RAB2A: variants seen among roughly 807,000 people sequenced by gnomAD.
The protein encoded by RAB2A is ras-related protein Rab-2A.
In RAB2A, 7 loss-of-function variants were observed where a neutral mutation model predicts 32.5. The ratio of observed to expected loss-of-function variants is 0.22; its 90% CI spans 0.12 to 0.40. The LOEUF (loss-of-function observed/expected upper bound fraction) is 0.40. Ranked by LOEUF, RAB2A falls within the 10% of genes least tolerant of loss-of-function variation. The pLI is 1.00. For missense variants in RAB2A, 108 were observed against 260.7 expected, an observed-to-expected ratio of 0.41 and a Z score of 4.03; for synonymous variants, 79 against 85.2, an observed-to-expected ratio of 0.93 and a Z score of 0.40.
intron 1 of RAB2A, among the ~76,000 whole-genome samples, chr8:60,546,380 G>A (rs1357129360): frequency 6.6e-6 from 1 of 152,204 alleles, no homozygotes; most frequent in East Asian, 1.9e-4. Context: ...TCGAGGATGG[G>A]AGACTTGAAT....
At chr8:60,587,356 T>G (rs750353209) in intron 5 of RAB2A, among the ~76,000 whole-genome samples, 1 of 152,152 alleles carries the variant, frequency 6.6e-6, no homozygotes, top group East Asian at 1.9e-4. Context: ...TTTACAAAAA[T>G]TAACTGGAAG....
intron 5 of RAB2A, among the ~76,000 whole-genome samples, chr8:60,587,885 T>C (rs1358608677): frequency 6.6e-6 from 1 of 152,232 alleles, no homozygotes; most frequent in Non-Finnish European, 1.5e-5. Context: ...TGAAGAATGC[T>C]TATAATTCAT....
chr8:60,547,092 A>G (rs951823393), intron 1 of RAB2A, among the ~76,000 whole-genome samples: 4 of 150,748 alleles, frequency 2.7e-5, no homozygotes, highest in Non-Finnish European at 5.9e-5. Flanking sequence ...GGGAGTGGTG[A>G]TGACTCTTAA....
At chr8:60,548,843 CGAG>C (rs1807793358) in intron 1 of RAB2A, among the ~76,000 whole-genome samples, 1 of 150,566 alleles carries the variant, frequency 6.6e-6, no homozygotes, top group Non-Finnish European at 1.5e-5. Flanking sequence ...CCCTCCCGGA[CGAG>C]GTGGCTGCCG....
chr8:60,517,895 C>T (rs1476790748), intron 1 of RAB2A, among the ~76,000 whole-genome samples: 1 of 152,072 alleles, frequency 6.6e-6, no homozygotes, highest in Non-Finnish European at 1.5e-5. Flanking sequence ...GAATCCCTTT[C>T]GGGGTTAGGA....
At chr8:60,554,641 G>A (rs1300247285) in intron 1 of RAB2A, among the ~76,000 whole-genome samples, 1 of 152,154 alleles carries the variant, frequency 6.6e-6, no homozygotes, top group East Asian at 1.9e-4. Flanking sequence ...CTAATTTATA[G>A]AAGTAGGTTG....
chr8:60,524,000 C>G (rs55825491), intron 1 of RAB2A, among the ~76,000 whole-genome samples: 1 of 151,922 alleles, frequency 6.6e-6, no homozygotes, highest in Non-Finnish European at 1.5e-5. Flanking sequence ...TTTTGACTAG[C>G]TCTTTTCTGT....
intron 1 of RAB2A, among the ~76,000 whole-genome samples, chr8:60,533,064 T>C (rs1295833187): frequency 2.0e-5 from 3 of 152,200 alleles, no homozygotes; most frequent in African/African-American, 7.2e-5. Context: ...AAAATGAAGT[T>C]AAAACCCAGT....
intron 6 of RAB2A, among the ~76,000 whole-genome samples, chr8:60,593,167 A>G (rs1297275423): frequency 2.0e-5 from 3 of 152,200 alleles, no homozygotes; most frequent in Admixed American, 2.0e-4. Context: ...GTGTTGCTTG[A>G]CAAAGGAGAT....
chr8:60,517,046 C>T lies in RAB2A; in HGVS notation c.-162C>T, dbSNP rs1042521833. 1.1e-4 allele frequency: 70 copies of T among 620,028 alleles called. No homozygotes were observed. The highest frequency in any genetic ancestry group is 1.2e-4 in the Non-Finnish European group (46 of 389,126). 38.4% of individuals were successfully genotyped at this position (620,028 alleles called of 1,614,324 possible). A position where few individuals can be genotyped will look rare whatever the true frequency, so the allele number is the denominator to read the frequency against. On this transcript the variant is annotated 5_prime_UTR_variant, in exon 1 of 8. Coordinates refer to ENST00000262646, the MANE Select transcript of RAB2A (RefSeq NM_002865.3). ...CTCGGCTCTGCGGGTGTCAGTTCGT[C>T]CGGCTTCCTCACAGCCCCTCACTCC...
intron 3 of RAB2A, among the ~76,000 whole-genome samples, chr8:60,580,801 A>G (rs191888225): frequency 6.6e-6 from 1 of 151,850 alleles, no homozygotes; most frequent in Non-Finnish European, 1.5e-5. Flanking sequence ...TTTGTCTTTT[A>G]CTCTTTACTA....
chr8:60,536,148 G>A (rs75053625), intron 1 of RAB2A, among the ~76,000 whole-genome samples: 43 of 152,252 alleles, frequency 2.8e-4, no homozygotes, highest in African/African-American at 1.0e-3. Flanking sequence ...AATTTAGAAA[G>A]AATATTTAAT....
At chr8:60,547,659 C>T (rs1807759309) in intron 1 of RAB2A, among the ~76,000 whole-genome samples, 2 of 119,458 alleles carry the variant, frequency 1.7e-5, no homozygotes, top group African/African-American at 3.0e-5. Flanking sequence ...GGGGGCTGAC[C>T]CCCCCACCTC....
chr8:60,574,878 T>A (rs1808246891), intron 3 of RAB2A, among the ~76,000 whole-genome samples: 1 of 152,160 alleles, frequency 6.6e-6, no homozygotes, highest in Non-Finnish European at 1.5e-5. Context: ...TTTTCTTTCC[T>A]CTATTTCTGA....
At position 60,517,295 on chromosome 8, in the gene RAB2A, C is replaced by T. The variant is rs766121960; in HGVS notation, c.46+42C>T. Reference sequence around the variant, plus strand: ...CGGCCGGGCGGGTGTCGGCGGCCTCCGGACCCGGGCTGAGGGGCAAACGGC... The same window carrying T: ...CGGCCGGGCGGGTGTCGGCGGCCTCTGGACCCGGGCTGAGGGGCAAACGGC... On this transcript the variant is annotated intron_variant, in intron 1 of 7. Coordinates refer to ENST00000262646, the MANE Select transcript of RAB2A (RefSeq NM_002865.3). 175 of 1,465,178 alleles carry T rather than the reference C, an allele frequency of 1.2e-4. No individual in the cohort carries two copies. In the African/African-American group the frequency reaches 2.4e-3, roughly 20 times the overall value. The allele number at this position is 1,465,178 out of a possible 1,614,324, so 90.8% of individuals were successfully genotyped here.
chr8:60,536,336 T>C (rs1013837631), intron 1 of RAB2A, among the ~76,000 whole-genome samples: 2 of 152,242 alleles, frequency 1.3e-5, no homozygotes, highest in African/African-American at 4.8e-5. Context: ...GTTTTTCTGC[T>C]TACAGCCTTT....
At chr8:60,600,636 A>G (rs931311927) in intron 6 of RAB2A, among the ~76,000 whole-genome samples, 1 of 152,230 alleles carries the variant, frequency 6.6e-6, no homozygotes, top group Non-Finnish European at 1.5e-5. Flanking sequence ...CAGAATGGCC[A>G]AAAACTGGAA....
chr8:60,560,371 G>C lies in RAB2A; in HGVS notation c.118+1448G>C, dbSNP rs11987507. Among the ~76,000 whole-genome samples the C allele has an allele frequency of 8.2e-3, 1,245 of 152,256 alleles. 15 individuals carry two copies. Among genetic ancestry groups the C allele is most frequent in the African/African-American group, 0.027 (1,142 of 41,530 alleles). On this transcript the variant is annotated intron_variant, in intron 2 of 7. Coordinates refer to ENST00000262646, the MANE Select transcript of RAB2A (RefSeq NM_002865.3). ...CCCAAAGTGCTGGGATTACAGGTGT[G>C]AGCCACCGCACTGGCCTGTTTAATG...
At chr8:60,522,439 A>G (rs865867288) in intron 1 of RAB2A, among the ~76,000 whole-genome samples, 7 of 152,216 alleles carry the variant, frequency 4.6e-5, no homozygotes, top group African/African-American at 1.7e-4. Flanking sequence ...GAGTAGAATT[A>G]TATGCTTATA....
Sources: gnomAD v4.1 joint callset for allele counts (sites outside exome capture counted in the v4.1 genomes callset) on GRCh38, gnomAD v4.1.1 for gene constraint, MANE v1.5 for transcripts, NCBI Gene and HGNC (gene_info 2026-07-23, HGNC 2026-07-21) for gene names.